ANGPT1: variants seen among roughly 807,000 people sequenced by gnomAD.
The protein encoded by ANGPT1 is angiopoietin 1.
In ANGPT1, 17 loss-of-function variants were observed where a neutral mutation model predicts 62.2. The ratio of observed to expected loss-of-function variants is 0.27; its 90% CI spans 0.19 to 0.41. ANGPT1 has a LOEUF of 0.41. ANGPT1 is among the 10% of genes least tolerant of loss of function. The pLI is 1.00. For missense variants in ANGPT1, 478 were observed against 594.9 expected, an observed-to-expected ratio of 0.80 and a Z score of 2.04; for synonymous variants, 199 against 198.9, an observed-to-expected ratio of 1.00 and a Z score of 0.00.
At chr8:107,261,255 C>G (rs1307420610) in intron 8 of ANGPT1, among the ~76,000 whole-genome samples, 2 of 129,388 alleles carry the variant, frequency 1.5e-5, no homozygotes, top group African/African-American at 5.9e-5. Flanking sequence ...AGCTCAAGAC[C>G]TACCTTGTGT....
chr8:107,321,940 A>C lies in ANGPT1; in HGVS notation c.764T>G (p.Met255Arg), dbSNP rs1169665925. The C allele has an allele frequency of 6.2e-7, 1 of 1,614,024 alleles. No homozygotes were observed. Among genetic ancestry groups the C allele is most frequent in the Non-Finnish European group, 8.5e-7 (1 of 1,179,892 alleles). The change falls in exon 4 of 9, where the codon ATG (methionine) becomes AGG (arginine). Residue 255 changes from methionine to arginine, a missense_variant. Met to Arg is a moderately conservative substitution (Grantham distance 91). Coordinates refer to ENST00000517746, the MANE Select transcript of ANGPT1 (RefSeq NM_001146.5). ...ATTGACAAGGTTGTGGACTGTGTCC[A>C]TCAGCTCCAGTTGCTGCTTCTGAAG... ...SVLQKQQLELMDTVHNLVNLC... is the reference protein window; with the variant it reads ...SVLQKQQLELRDTVHNLVNLC...
intron 1 of ANGPT1, among the ~76,000 whole-genome samples, chr8:107,487,391 G>A (rs540940337): frequency 6.6e-6 from 1 of 152,168 alleles, no homozygotes; most frequent in East Asian, 1.9e-4. Context: ...AATGAGCAAA[G>A]TGGGGGTTGA....
At chr8:107,299,999 A>ATATATCTAGATATCTAGATATGTAGT (rs1320242088) in intron 5 of ANGPT1, among the ~76,000 whole-genome samples, 4 of 135,204 alleles carry the variant, frequency 3.0e-5, no homozygotes, top group Non-Finnish European at 6.4e-5. Context: ...AGATATAACT[A>ATATATCTAGATATCTAGATATGTAGT]TATATCTAGA....
At chr8:107,435,794 T>C (rs1811317606) in intron 1 of ANGPT1, among the ~76,000 whole-genome samples, 1 of 152,222 alleles carries the variant, frequency 6.6e-6, no homozygotes, top group Non-Finnish European at 1.5e-5. Flanking sequence ...GGAGATACAA[T>C]TGTAAGCATA....
chr8:107,381,614 G>A (rs1816638772), intron 1 of ANGPT1, among the ~76,000 whole-genome samples: 1 of 152,160 alleles, frequency 6.6e-6, no homozygotes, highest in African/African-American at 2.4e-5. Context: ...TCTGTTGCTT[G>A]TTTCTGGCAA....
chr8:107,399,270 T>A (rs900667190), intron 1 of ANGPT1, among the ~76,000 whole-genome samples: 1 of 152,150 alleles, frequency 6.6e-6, no homozygotes, highest in Non-Finnish European at 1.5e-5. Context: ...CAGTCTTTTC[T>A]AGAGTCAGTG....
At chr8:107,288,988 A>G (rs1563551931) in intron 6 of ANGPT1, among the ~76,000 whole-genome samples, 1 of 152,200 alleles carries the variant, frequency 6.6e-6, no homozygotes, top group Non-Finnish European at 1.5e-5. Context: ...AAAAAGCAGC[A>G]ACGAATGAGT....
chr8:107,252,143 C>T (rs1234233507), intron 8 of ANGPT1, 128 bp from the exon 9 acceptor site: 41 of 940,722 alleles, frequency 4.4e-5, no homozygotes, highest in South Asian at 3.6e-4. Context: ...TTTGCAATTA[C>T]GAGGCATCAG....
chr8:107,481,437 G>A (rs1812679972), intron 1 of ANGPT1, among the ~76,000 whole-genome samples: 1 of 149,692 alleles, frequency 6.7e-6, no homozygotes, highest in Admixed American at 6.7e-5. Context: ...GGGAGGCTGA[G>A]GCAGGAGTAT....
At chr8:107,257,876 G>GTTTTTTTTTTTTTTTTTTTTTTTTTTTTT (rs1371396961) in intron 8 of ANGPT1, among the ~76,000 whole-genome samples, 5 of 85,304 alleles carry the variant, frequency 5.9e-5, no homozygotes, top group Admixed American at 1.3e-4. Flanking sequence ...ACTTGTTTTT[G>GTTTTTTTTTTTTTTTTTTTTTTTTTTTTT]TTTCTTTTTT....
At chr8:107,444,107 C>G (rs1390746225) in intron 1 of ANGPT1, among the ~76,000 whole-genome samples, 1 of 152,156 alleles carries the variant, frequency 6.6e-6, no homozygotes, top group African/African-American at 2.4e-5. Context: ...GCTCAATTGT[C>G]CATGGGTTAT....
chr8:107,381,499 C>T (rs892367463), intron 1 of ANGPT1, among the ~76,000 whole-genome samples: 2 of 152,116 alleles, frequency 1.3e-5, no homozygotes, highest in African/African-American at 4.8e-5. Context: ...TAGGTGCCCT[C>T]GTGGAGGCAC....
At chr8:107,390,474 G>A (rs952497043) in intron 1 of ANGPT1, among the ~76,000 whole-genome samples, 1 of 152,108 alleles carries the variant, frequency 6.6e-6, no homozygotes, top group African/African-American at 2.4e-5. Flanking sequence ...ACAAAGTGAC[G>A]TTCTGAAGCT....
rs750634420 is a variant in ANGPT1 at position 107,257,870 on chromosome 8, G to GTTTTTTTTTTTTTTTTTTTTTTT, written c.1337-5856_1337-5855insAAAAAAAAAAAAAAAAAAAAAAA. Among the ~76,000 whole-genome samples the GTTTTTTTTTTTTTTTTTTTTTTT allele has an allele frequency of 2.9e-4, 13 of 45,192 alleles. 1 individual carries two copies. The highest frequency in any genetic ancestry group is 4.9e-4 in the African/African-American group (6 of 12,164). The allele number at this position is 45,192 out of a possible 152,430, so 29.6% of individuals were successfully genotyped here. A position where few individuals can be genotyped will look rare whatever the true frequency, so the allele number is the denominator to read the frequency against. Reference sequence around the variant, plus strand: ...TATATCCTCTTCAGGCCAAGGACTTGTTTTTGTTTCTTTTTTGTTTGTTTG... The same window carrying GTTTTTTTTTTTTTTTTTTTTTTT: ...TATATCCTCTTCAGGCCAAGGACTTGTTTTTTTTTTTTTTTTTTTTTTTTTTTTGTTTCTTTTTTGTTTGTTTG... On this transcript the variant is annotated intron_variant, in intron 8 of 8. Coordinates refer to ENST00000517746, the MANE Select transcript of ANGPT1 (RefSeq NM_001146.5).
chr8:107,407,268 G>T (rs929204903), intron 1 of ANGPT1, among the ~76,000 whole-genome samples: 19 of 149,262 alleles, frequency 1.3e-4, no homozygotes, highest in Non-Finnish European at 2.2e-4. Context: ...TGTAGACCAT[G>T]TTTTTTTTTT....
At chr8:107,315,951 T>G (rs751664175) in intron 4 of ANGPT1, among the ~76,000 whole-genome samples, 1 of 152,152 alleles carries the variant, frequency 6.6e-6, no homozygotes, top group Non-Finnish European at 1.5e-5. Flanking sequence ...GAATCCGATT[T>G]ATCTGCCTGC....
intron 1 of ANGPT1, among the ~76,000 whole-genome samples, chr8:107,484,302 GT>G (rs1812760794): frequency 2.0e-5 from 3 of 152,320 alleles, no homozygotes; most frequent in Admixed American, 6.5e-5. Flanking sequence ...TATCTGTAAA[GT>G]GGGTTTGATA....
At chr8:107,287,864 A>G (rs1814179356) in intron 6 of ANGPT1, among the ~76,000 whole-genome samples, 1 of 152,180 alleles carries the variant, frequency 6.6e-6, no homozygotes, top group African/African-American at 2.4e-5. Flanking sequence ...CAAGGTTTTG[A>G]GAATAAAATT....
chr8:107,320,551 A>C (rs1815126844), intron 4 of ANGPT1, among the ~76,000 whole-genome samples: 1 of 152,202 alleles, frequency 6.6e-6, no homozygotes, highest in African/African-American at 2.4e-5. Flanking sequence ...ATTCTCTGGC[A>C]AAATACTACC....
Sources: gnomAD v4.1 joint callset for allele counts (sites outside exome capture counted in the v4.1 genomes callset) on GRCh38, gnomAD v4.1.1 for gene constraint, MANE v1.5 for transcripts, NCBI Gene and HGNC (gene_info 2026-07-23, HGNC 2026-07-21) for gene names.